MARK1: variants seen among roughly 807,000 people sequenced by gnomAD.
The protein encoded by MARK1 is serine/threonine-protein kinase MARK1.
Under a neutral mutation model 96.3 loss-of-function variants are expected in MARK1, and 40 were observed. The ratio of observed to expected loss-of-function variants is 0.42; its 90% CI spans 0.32 to 0.54. The LOEUF (loss-of-function observed/expected upper bound fraction) is 0.54. Ranked by LOEUF, MARK1 falls within the 20% of genes least tolerant of loss-of-function variation. The pLI is 0.16. For synonymous variants in MARK1, 317 were observed against 341.2 expected (o/e 0.93, Z 0.78); for missense variants, 719 against 984.6 (o/e 0.73, Z 3.61).
chr1:220,622,195 T>C (rs1253629545), intron 9 of MARK1, among the ~76,000 whole-genome samples: 1 of 152,216 alleles, frequency 6.6e-6, no homozygotes. Flanking sequence ...TGTCTAGATT[T>C]TTTTATTAGA....
At position 220,528,344 on chromosome 1, in the gene MARK1, C is replaced by G. The variant is rs1025091276; in HGVS notation, c.-479C>G. 6.5e-6 allele frequency: 1 copy of G among 153,196 alleles called. No homozygotes were observed. The highest frequency in any genetic ancestry group is 1.9e-4 in the East Asian group (1 of 5,186). The allele number at this position is 153,196 out of a possible 1,614,324, so 9.5% of individuals were successfully genotyped here. On this transcript the variant is annotated 5_prime_UTR_variant, in exon 1 of 18. Coordinates refer to ENST00000366917, the MANE Select transcript of MARK1 (RefSeq NM_018650.5). ...TGGATGCGGCTGGGTCGGGCGGCGC[C>G]GTACACCTGAGGCGGAGAACGGGGC...
In MARK1 at chr1:220,635,866, C is replaced by G. The variant is rs752602057; in HGVS notation, c.1310C>G (p.Thr437Ser). Reference protein sequence around the residue: ...GPSIPPAVSYTKRPQANSVES... With the variant: ...GPSIPPAVSYSKRPQANSVES... The stretch of plus-strand genomic sequence containing the variant: ...TCCATTCCTCCTGCTGTATCATATA[C>G]CAAAAGACCTCAGGCTAACAGTGTG... The change falls in exon 13 of 18, where the codon ACC (threonine) becomes AGC (serine). Residue 437 changes from threonine to serine, a missense_variant. By Grantham distance (58) the Thr-to-Ser change is moderately conservative. Around this residue, in one of 4 missense-constraint regions of MARK1, gnomAD observed 501 missense variants for 588.3 expected, o/e 0.85. Transcript: ENST00000366917. The G allele has an allele frequency of 2.5e-6, 4 of 1,611,860 alleles. No individual in the cohort carries two copies. The African/African-American group carries it at 5.4e-5, about 22-fold the overall frequency.
At position 220,632,205 on chromosome 1, in the gene MARK1, T is replaced by C. The variant is rs1438407517; in HGVS notation, c.1014T>C (p.Ile338=). ...PDFNDTKRID[I]MVTMGFARDE... ...TTCTCTTTTTTAAATTTCTAGACAT[T>C]ATGGTCACCATGGGCTTTGCACGAG... The change falls in exon 11 of 18, where the codon ATT becomes ATC. Residue 338 remains isoleucine, a synonymous_variant. Transcript: ENST00000366917. 1 of 1,411,254 alleles carries C rather than the reference T, an allele frequency of 7.1e-7. No homozygotes were observed. Among genetic ancestry groups the C allele is most frequent in the African/African-American group, 1.5e-5 (1 of 67,988 alleles). 87.4% of individuals were successfully genotyped at this position (1,411,254 alleles called of 1,614,324 possible). A position where few individuals can be genotyped will look rare whatever the true frequency, so the allele number is the denominator to read the frequency against.
chr1:220,607,335 G>C (rs576080163), intron 6 of MARK1, among the ~76,000 whole-genome samples: 1 of 152,162 alleles, frequency 6.6e-6, no homozygotes, highest in Non-Finnish European at 1.5e-5. Flanking sequence ...TCTGTTATTG[G>C]TGTATAGGAA....
In MARK1 at chr1:220,630,602, C is replaced by T. The variant is rs1441787079; in HGVS notation, c.910-433C>T. Among the ~76,000 whole-genome samples, 6 of 152,072 alleles carry T rather than the reference C, an allele frequency of 3.9e-5. No individual in the cohort carries two copies. The East Asian group carries it at 1.2e-3, about 29-fold the overall frequency. On this transcript the variant is annotated intron_variant, in intron 9 of 17. Coordinates refer to ENST00000366917, the MANE Select transcript of MARK1 (RefSeq NM_018650.5). ...TTTACTGCCAACCCTGATTTTCATT[C>T]CCCATGACCTCTTCTTTACTAATAT...
chr1:220,572,117 C>T (rs755501930), intron 1 of MARK1: 6 of 152,192 alleles, frequency 3.9e-5, no homozygotes, highest in Non-Finnish European at 8.8e-5. Flanking sequence ...ATGGAAAGAG[C>T]TTAAGGGAGC....
intron 1 of MARK1, among the ~76,000 whole-genome samples, chr1:220,534,926 G>A (rs143099966): frequency 3.4e-4 from 52 of 152,036 alleles, no homozygotes; most frequent in African/African-American, 9.9e-4. Flanking sequence ...GTTTATCTGC[G>A]GGTGGACATT....
At chr1:220,637,542 G>A (rs994452021) in intron 13 of MARK1, among the ~76,000 whole-genome samples, 1 of 152,014 alleles carries the variant, frequency 6.6e-6, no homozygotes, top group Non-Finnish European at 1.5e-5. Context: ...AGCTGGGCAT[G>A]GTGGTGCACA....
chr1:220,533,980 G>GTA (rs1660507302), intron 1 of MARK1, among the ~76,000 whole-genome samples: 2 of 151,900 alleles, frequency 1.3e-5, no homozygotes, highest in Admixed American at 6.6e-5. Flanking sequence ...TTCTTCAGCT[G>GTA]TATATAACCC....
chr1:220,649,336 C>G (rs1668747092), intron 13 of MARK1, among the ~76,000 whole-genome samples: 1 of 151,976 alleles, frequency 6.6e-6, no homozygotes, highest in Non-Finnish European at 1.5e-5. Context: ...AGGTAATCCT[C>G]CCACTTAAGC....
intron 1 of MARK1, among the ~76,000 whole-genome samples, chr1:220,532,968 C>G (rs1274106839): frequency 1.3e-5 from 2 of 151,702 alleles, no homozygotes; most frequent in Non-Finnish European, 2.9e-5. Context: ...CAAGATCACA[C>G]CGCTGCACTC....
At position 220,578,919 on chromosome 1, in the gene MARK1, T is replaced by C. The variant is rs555474388; in HGVS notation, c.52-435T>C. Among the ~76,000 whole-genome samples the C allele has an allele frequency of 5.9e-5, 9 of 152,308 alleles. No individual in the cohort carries two copies. The East Asian group carries it at 1.4e-3, about 23-fold the overall frequency. ...GTGCACTGACATGATCTTGGCTCAC[T>C]GCAACTTCCGCCTCCCAGGTTCAAG... On this transcript the variant is annotated intron_variant, in intron 1 of 17. Coordinates refer to ENST00000366917, the MANE Select transcript of MARK1 (RefSeq NM_018650.5).
chr1:220,591,544 C>A (rs752736105), intron 3 of MARK1, among the ~76,000 whole-genome samples: 1 of 152,148 alleles, frequency 6.6e-6, no homozygotes, highest in African/African-American at 2.4e-5. Context: ...GGCCACACTT[C>A]CTAGTACACA....
chr1:220,569,563 T>A (rs1286205389), intron 1 of MARK1, among the ~76,000 whole-genome samples: 1 of 152,080 alleles, frequency 6.6e-6, no homozygotes, highest in East Asian at 1.9e-4. Context: ...CTTAATCAAT[T>A]GTGAATTTAT....
intron 3 of MARK1, among the ~76,000 whole-genome samples, chr1:220,590,842 T>G (rs554170273): frequency 1.1e-4 from 16 of 152,290 alleles, no homozygotes; most frequent in African/African-American, 3.6e-4. Context: ...TCTCTCCTTG[T>G]CCAAAGCTGC....
intron 1 of MARK1, among the ~76,000 whole-genome samples, chr1:220,561,138 G>A (rs540931500): frequency 6.6e-6 from 1 of 152,108 alleles, no homozygotes; most frequent in African/African-American, 2.4e-5. Context: ...ACATTACAGG[G>A]ATGAATGGTA....
At chr1:220,535,133 A>G (rs1660597713) in intron 1 of MARK1, among the ~76,000 whole-genome samples, 2 of 152,076 alleles carry the variant, frequency 1.3e-5, no homozygotes, top group Non-Finnish European at 2.9e-5. Context: ...AGGAGACTTC[A>G]TATTGTTTTT....
At chr1:220,529,059 G>GTT (rs1190717195) in intron 1 of MARK1, among the ~76,000 whole-genome samples, 186 bp downstream of exon 1, 1 of 152,188 alleles carries the variant, frequency 6.6e-6, no homozygotes, top group Admixed American at 6.5e-5. Context: ...CATTTCGCTT[G>GTT]TTTCCCCTCA....
Position 220,533,338 on chromosome 1 carries a change from C to T in MARK1, c.51+4465C>T, listed in dbSNP as rs147676511. Reference sequence around the variant, plus strand: ...GAAGAAATGTATTTAATGTTTGTCACTTCACTTCTGACCTACATGCTATTA... The same window carrying T: ...GAAGAAATGTATTTAATGTTTGTCATTTCACTTCTGACCTACATGCTATTA... On this transcript the variant is annotated intron_variant, in intron 1 of 17. Transcript: ENST00000366917. 3.7e-3 allele frequency among the ~76,000 whole-genome samples: 570 copies of T among 152,080 alleles called. 11 individuals are homozygous for T. Among genetic ancestry groups the T allele is most frequent in the Admixed American group, 0.021 (322 of 15,288 alleles).
Sources: allele counts gnomAD v4.1 joint callset (sites outside exome capture counted in the v4.1 genomes callset), GRCh38; gene constraint gnomAD v4.1.1; regional missense constraint gnomAD v4.1.1; transcripts MANE v1.5; gene names NCBI Gene and HGNC (gene_info 2026-07-23, HGNC 2026-07-21).